RIPK1: variants seen among roughly 807,000 people sequenced by gnomAD.
RIPK1 encodes receptor interacting serine/threonine kinase 1.
RIPK1 carries 27 observed loss-of-function variants against 62.4 expected under a neutral mutation model. That is an observed-to-expected ratio of 0.43 (90% CI 0.32 to 0.60). The LOEUF is 0.60. Among genes scored for constraint, RIPK1 ranks in the 20% least tolerant of loss-of-function variants. The probability of loss-of-function intolerance (pLI) is 0.07; values close to 1 mark genes in which losing one functional copy is unlikely to be tolerated. For missense variants in RIPK1, 735 were observed against 831.0 expected (o/e 0.88, Z 1.42); for synonymous variants, 287 against 303.2 (o/e 0.95, Z 0.55).
chr6:3,067,268 G>A (rs1170732222), upstream of RIPK1, among the ~76,000 whole-genome samples: 1 of 151,860 alleles, frequency 6.6e-6, no homozygotes, highest in Non-Finnish European at 1.5e-5. Flanking sequence ...TAAATACCAA[G>A]GTGTGGAGTT....
chr6:3,077,061 C>T, intron 2 of RIPK1, 74 bp downstream of exon 2: 3 of 1,428,936 alleles, frequency 2.1e-6, no homozygotes, highest in Non-Finnish European at 2.8e-6. Context: ...GAGCCGTTGG[C>T]TGCTGCGGAG....
intron 3 of RIPK1, among the ~76,000 whole-genome samples, chr6:3,078,504 T>G (rs1759212163): frequency 6.6e-6 from 1 of 152,242 alleles, no homozygotes; most frequent in East Asian, 1.9e-4. Context: ...ACCTGTCCGC[T>G]GCTCTGCAAT....
rs1261991262 is a variant in RIPK1, at chr6:3,072,637, C to T, written c.-61+3976C>T. On this transcript the variant is annotated intron_variant, in intron 1 of 10. Coordinates refer to ENST00000259808, the MANE Select transcript of RIPK1 (RefSeq NM_001354930.2). This position sits in a 1 kb window ranked among gnomAD's most constrained non-coding sequence, Gnocchi z 5.6. ...GGAGATGGTGCACAAGACAAGTTTC[C>T]TGCCTTCTGTGAACTTCATGAGAAA... Among the ~76,000 whole-genome samples, 2 of 152,114 alleles carry T rather than the reference C, an allele frequency of 1.3e-5. No homozygotes were observed. The highest frequency in any genetic ancestry group is 1.3e-4 in the Admixed American group (2 of 15,268).
intron 1 of RIPK1, among the ~76,000 whole-genome samples, chr6:3,074,429 C>T (rs962892002): frequency 6.6e-6 from 1 of 152,152 alleles, no homozygotes; most frequent in East Asian, 1.9e-4. Flanking sequence ...TGTGTTCACT[C>T]ATTCTCTTAC....
At position 3,072,582 on chromosome 6, in the gene RIPK1, G is replaced by T. The variant is rs895062230; in HGVS notation, c.-61+3921G>T. On this transcript the variant is annotated intron_variant, in intron 1 of 10. Coordinates refer to ENST00000259808, the MANE Select transcript of RIPK1 (RefSeq NM_001354930.2). The surrounding 1 kb of genome is among the most constrained non-coding windows in gnomAD (Gnocchi z 5.6). ...AAAATAGTTATTCAATTGATGATGGGCCGGCATACGTTGGGTTCTGCTAGG... is the reference window on the plus strand; with the variant it reads ...AAAATAGTTATTCAATTGATGATGGTCCGGCATACGTTGGGTTCTGCTAGG... Among the ~76,000 whole-genome samples the T allele has an allele frequency of 6.6e-6, 1 of 152,026 alleles. No individual in the cohort carries two copies. Among genetic ancestry groups the T allele is most frequent in the Non-Finnish European group, 1.5e-5 (1 of 68,014 alleles).
Position 3,089,324 on chromosome 6 carries a change from G to A in RIPK1, c.839-257G>A, listed in dbSNP as rs369678105. ...GGGAGCAGTTTGTGTTGCAGCCAGAGAAACTGCAGCACGAATAAAAAGCAC... is the reference window on the plus strand; with the variant it reads ...GGGAGCAGTTTGTGTTGCAGCCAGAAAAACTGCAGCACGAATAAAAAGCAC... On this transcript the variant is annotated intron_variant, in intron 6 of 10. Transcript: ENST00000259808. 5.2e-3 allele frequency among the ~76,000 whole-genome samples: 796 copies of A among 152,284 alleles called. 6 individuals are homozygous for A. Among genetic ancestry groups the A allele is most frequent in the African/African-American group, 0.019 (777 of 41,536 alleles).
intron 9 of RIPK1, among the ~76,000 whole-genome samples, chr6:3,107,539 T>C (rs914898453): frequency 8.7e-5 from 11 of 126,570 alleles, no homozygotes; most frequent in Admixed American, 2.0e-4. Flanking sequence ...CACTCCAGCC[T>C]GGGTGACAGA....
chr6:3,081,875 A>T (rs1759405390), intron 4 of RIPK1, among the ~76,000 whole-genome samples: 1 of 129,154 alleles, frequency 7.7e-6, no homozygotes, highest in African/African-American at 3.5e-5. Context: ...AAAAAAAAAA[A>T]AAAAAAAAAA....
chr6:3,077,978 C>CCTGG (rs1759182881), intron 3 of RIPK1, 43 bp downstream of exon 3: 2 of 1,601,530 alleles, frequency 1.2e-6, no homozygotes, highest in Non-Finnish European at 8.5e-7. Flanking sequence ...GCGCTTGGGC[C>CCTGG]CTGGCTGTCT....
Position 3,081,035 on chromosome 6 carries a change from G to GTGC in RIPK1, c.380_382dup (p.Cys127dup). 6.2e-7 allele frequency: 1 copy of GTGC among 1,614,108 alleles called. No individual in the cohort carries two copies. Among genetic ancestry groups the GTGC allele is most frequent in the Non-Finnish European group, 8.5e-7 (1 of 1,179,938 alleles). ...TAATTTTGGAAATCATTGAAGGAAT[G>GTGC]TGCTACTTACATGGAAAAGGCGTGA... On this transcript the variant is annotated inframe_insertion, in exon 4 of 11. Transcript: ENST00000259808.
upstream of RIPK1, among the ~76,000 whole-genome samples, chr6:3,066,413 T>G (rs1314876024): frequency 6.6e-6 from 1 of 152,160 alleles, no homozygotes; most frequent in Non-Finnish European, 1.5e-5. Context: ...AGGAATGAAT[T>G]CCTTTTTGTA....
intron 7 of RIPK1, among the ~76,000 whole-genome samples, chr6:3,097,109 G>A (rs1760356260): frequency 6.6e-6 from 1 of 152,040 alleles, no homozygotes; most frequent in Admixed American, 6.6e-5. Flanking sequence ...GACCTCAAAT[G>A]GTCCGCCTGC....
In RIPK1 at chr6:3,080,975, T is replaced by C. The variant is rs1759347729; in HGVS notation, c.322-4T>C. The C allele has an allele frequency of 1.2e-5, 19 of 1,613,064 alleles. No individual in the cohort carries two copies. Among genetic ancestry groups the C allele is most frequent in the Non-Finnish European group, 1.6e-5 (19 of 1,179,500 alleles). On this transcript the variant is annotated splice_polypyrimidine_tract_variant and splice_region_variant and intron_variant, in intron 3 of 10. Coordinates refer to ENST00000259808, the MANE Select transcript of RIPK1 (RefSeq NM_001354930.2). ...TTTCATAGACTTAATATCACTTGTTTTAGATGAGTACTCCGCTTTCTGTAA... is the reference window on the plus strand; with the variant it reads ...TTTCATAGACTTAATATCACTTGTTCTAGATGAGTACTCCGCTTTCTGTAA...
At position 3,110,832 on chromosome 6, in the gene RIPK1, A is replaced by T. The variant is rs766481145; in HGVS notation, c.1606A>T (p.Ser536Cys). ...DESIKYTIYN[S>C]TGIQIGAYNY... is the part of the protein sequence containing the mutation. ...ATCTATAAAATATACCATATACAAT[A>T]GTACTGGCATTCAGATTGGAGCCTA... The change falls in exon 10 of 11, where the codon AGT (serine) becomes TGT (cysteine). Residue 536 changes from serine to cysteine, a missense_variant. Ser to Cys is a moderately radical substitution (Grantham distance 112). Around this residue, in one of 2 missense-constraint regions of RIPK1, gnomAD observed 671 missense variants for 726.2 expected, o/e 0.92. Coordinates refer to ENST00000259808, the MANE Select transcript of RIPK1 (RefSeq NM_001354930.2). The T allele has an allele frequency of 6.3e-7, 1 of 1,586,144 alleles. No homozygotes were observed.
rs34461556 is a variant in RIPK1 at position 3,072,390 on chromosome 6, C to CATATATAT, written c.-61+3737_-61+3744dup. ...CTGTACTTATATCTTTATCTATTTA[C>CATATATAT]ATATATATATATATAAAACACACAC... On this transcript the variant is annotated intron_variant, in intron 1 of 10. Coordinates refer to ENST00000259808, the MANE Select transcript of RIPK1 (RefSeq NM_001354930.2). This position sits in a 1 kb window ranked among gnomAD's most constrained non-coding sequence, Gnocchi z 5.6. 5.4e-3 allele frequency among the ~76,000 whole-genome samples: 820 copies of CATATATAT among 151,018 alleles called. 5 individuals are homozygous for CATATATAT. The highest frequency in any genetic ancestry group is 0.01 in the Middle Eastern group (3 of 292).
intron 6 of RIPK1, 73 bp downstream of exon 6, chr6:3,085,481 C>G (rs913828304): frequency 4.2e-5 from 64 of 1,519,006 alleles, no homozygotes; most frequent in Non-Finnish European, 5.0e-5. Flanking sequence ...TTGTTAGGAA[C>G]TTGGTTTGAA....
rs2113694875 is a variant in RIPK1 at position 3,105,689 on chromosome 6, A to G, written c.1214A>G (p.Tyr405Cys). 3 of 1,614,166 alleles carry G rather than the reference A, an allele frequency of 1.9e-6. No homozygotes were observed. The highest frequency in any genetic ancestry group is 4.5e-5 in the East Asian group (2 of 44,888). ...TKQQPRQNVA[Y>C]NREEERRRRV... Reference sequence around the variant, plus strand: ...CAGCAGCCCAGACAGAATGTGGCTTACAACAGAGAGGAGGAAAGGAGACGC... The same window carrying G: ...CAGCAGCCCAGACAGAATGTGGCTTGCAACAGAGAGGAGGAAAGGAGACGC... The change falls in exon 9 of 11, where the codon TAC becomes TGC. Residue 405 changes from tyrosine to cysteine, a missense_variant. Tyr to Cys is a radical substitution (Grantham distance 194). Around this residue, in one of 2 missense-constraint regions of RIPK1, gnomAD observed 671 missense variants for 726.2 expected, o/e 0.92. Coordinates refer to ENST00000259808, the MANE Select transcript of RIPK1 (RefSeq NM_001354930.2). This position sits in a 1 kb window ranked among gnomAD's most constrained non-coding sequence, Gnocchi z 4.5.
chr6:3,109,058 C>A (rs570706720), intron 9 of RIPK1, among the ~76,000 whole-genome samples: 1 of 152,240 alleles, frequency 6.6e-6, no homozygotes, highest in African/African-American at 2.4e-5. Context: ...CAACACTTGA[C>A]AAATTCAGCT....
Position 3,113,830 on chromosome 6 carries a change from GCT to G in RIPK1, c.*496_*497del, listed in dbSNP as rs1219918621. 2.0e-5 allele frequency: 3 copies of G among 153,004 alleles called. No individual in the cohort carries two copies. Among genetic ancestry groups the G allele is most frequent in the Admixed American group, 1.9e-4 (3 of 15,414 alleles). The allele number at this position is 153,004 out of a possible 1,614,324, so 9.5% of individuals were successfully genotyped here. A position where few individuals can be genotyped will look rare whatever the true frequency, so the allele number is the denominator to read the frequency against. On this transcript the variant is annotated 3_prime_UTR_variant, in exon 11 of 11. Transcript: ENST00000259808. The surrounding 1 kb of genome is among the most constrained non-coding windows in gnomAD (Gnocchi z 5.0). ...ATAAAATCAACTTTTAAAATTGTGT[GCT>G]CTCTTCTTCACGTAGGCTCCTGTTA...
Sources: allele counts gnomAD v4.1 joint callset (sites outside exome capture counted in the v4.1 genomes callset), GRCh38; gene constraint gnomAD v4.1.1; regional missense constraint gnomAD v4.1.1; non-coding constraint Gnocchi (gnomAD v3.1); transcripts MANE v1.5; gene names NCBI Gene and HGNC (gene_info 2026-07-23, HGNC 2026-07-21).